The following GALNT13 variants were observed in gnomAD, a reference collection of about 807,000 sequenced individuals.
The protein encoded by GALNT13 is UDP-GalNAc:polypeptide N-acetylgalactosaminyltransferase 13.
GALNT13 carries 28 observed loss-of-function variants against 64.2 expected under a neutral mutation model. The ratio of observed to expected loss-of-function variants is 0.44; its 90% CI spans 0.32 to 0.60. The LOEUF (loss-of-function observed/expected upper bound fraction) is 0.60, where lower values mean the gene tolerates loss of function less well. Ranked by LOEUF, GALNT13 falls within the 20% of genes least tolerant of loss-of-function variation. The pLI is 0.05. For synonymous variants in GALNT13, 214 were observed against 224.6 expected, an observed-to-expected ratio of 0.95 and a Z score of 0.42; for missense variants, 577 against 669.8, an observed-to-expected ratio of 0.86 and a Z score of 1.53.
chr2:153,327,233 G>T, the GALNT13 span, among the ~76,000 whole-genome samples: 2 of 152,042 alleles, frequency 1.3e-5, no homozygotes, highest in Non-Finnish European at 2.9e-5. Flanking sequence ...TGCCCTTAAC[G>T]TTTTTGCCTT....
intron 3 of GALNT13, among the ~76,000 whole-genome samples, chr2:154,002,712 T>C (rs538650726): frequency 6.6e-6 from 1 of 152,314 alleles, no homozygotes; most frequent in Non-Finnish European, 1.5e-5. Flanking sequence ...TTCCCTTGTG[T>C]CTTCATATTC....
the GALNT13 span, among the ~76,000 whole-genome samples, chr2:153,161,367 C>G: frequency 2.0e-5 from 3 of 152,144 alleles, no homozygotes; most frequent in Admixed American, 6.5e-5. Context: ...GTGAAAGAAA[C>G]AGACAAAAAC....
At chr2:153,076,379 T>A in the GALNT13 span, among the ~76,000 whole-genome samples, 1 of 152,198 alleles carries the variant, frequency 6.6e-6, no homozygotes, top group African/African-American at 2.4e-5. Context: ...ATAAAAGTTT[T>A]AAATGTATTT....
At chr2:153,634,833 G>A in the GALNT13 span, among the ~76,000 whole-genome samples, 1 of 151,896 alleles carries the variant, frequency 6.6e-6, no homozygotes. Context: ...ACAGGCGTGA[G>A]CCACCATGCC....
chr2:153,836,115 G>C, the GALNT13 span, among the ~76,000 whole-genome samples: 3 of 152,012 alleles, frequency 2.0e-5, no homozygotes, highest in Non-Finnish European at 4.4e-5. Flanking sequence ...ATCTGGAAAA[G>C]ATGCAATCTC....
the GALNT13 span, among the ~76,000 whole-genome samples, chr2:153,422,935 A>C: frequency 0.23 from 35,374 of 151,810 alleles, 4,318 homozygotes; most frequent in Non-Finnish European, 0.25. Context: ...TAATTTCAAT[A>C]AACAAGGGTT....
At chr2:154,069,178 T>A (rs1044214028) in intron 3 of GALNT13, among the ~76,000 whole-genome samples, 1 of 152,032 alleles carries the variant, frequency 6.6e-6, no homozygotes, top group Non-Finnish European at 1.5e-5. Context: ...TAGACAAAAC[T>A]GAATGCATTT....
At chr2:153,084,434 C>G in the GALNT13 span, among the ~76,000 whole-genome samples, 1 of 152,066 alleles carries the variant, frequency 6.6e-6, no homozygotes, top group Admixed American at 6.6e-5. Context: ...TTATAGTTTT[C>G]CTTGTAGAAA....
chr2:153,884,766 A>AATATATATATATATATAT (rs372541314), intron 1 of GALNT13, among the ~76,000 whole-genome samples: 138 of 116,344 alleles, frequency 1.2e-3, no homozygotes, highest in African/African-American at 4.2e-3. Flanking sequence ...TAAAAATACG[A>AATATATATATATATATAT]ATATATATAT....
At chr2:153,248,152 A>G in the GALNT13 span, among the ~76,000 whole-genome samples, 1 of 152,184 alleles carries the variant, frequency 6.6e-6, no homozygotes. Context: ...AGCTGGTACC[A>G]TTCCTTCTGA....
intron 2 of GALNT13, among the ~76,000 whole-genome samples, chr2:153,919,248 A>G (rs1558853282): frequency 6.6e-6 from 1 of 151,786 alleles, no homozygotes; most frequent in Non-Finnish European, 1.5e-5. Context: ...ATCAACTTCC[A>G]TGTCTTCAAT....
chr2:153,190,297 A>G, the GALNT13 span, among the ~76,000 whole-genome samples: 1 of 152,068 alleles, frequency 6.6e-6, no homozygotes, highest in African/African-American at 2.4e-5. Context: ...ATTCTTCTGC[A>G]TATGGATATC....
chr2:154,180,348 T>C (rs767223658), intron 4 of GALNT13, among the ~76,000 whole-genome samples: 12 of 152,216 alleles, frequency 7.9e-5, no homozygotes, highest in Non-Finnish European at 1.3e-4. Flanking sequence ...ATAGCTAGTA[T>C]ATTAAACATT....
chr2:153,731,191 A>ATGT, the GALNT13 span, among the ~76,000 whole-genome samples: 17,522 of 151,724 alleles, frequency 0.12, 1,558 homozygotes, highest in African/African-American at 0.25. Flanking sequence ...TGTCATATAT[A>ATGT]TGTTGCCTTT....
At chr2:153,145,210 A>T in the GALNT13 span, among the ~76,000 whole-genome samples, 2 of 151,932 alleles carry the variant, frequency 1.3e-5, no homozygotes, top group Admixed American at 6.6e-5. Context: ...TCAGTTTCTT[A>T]CATAGCAATT....
At chr2:154,405,849 C>G (rs1417991974) in intron 10 of GALNT13, among the ~76,000 whole-genome samples, 2 of 152,006 alleles carry the variant, frequency 1.3e-5, no homozygotes, top group Non-Finnish European at 2.9e-5. Flanking sequence ...TAGGAAATCT[C>G]CCAAACTTAA....
At chr2:153,726,439 C>T in the GALNT13 span, among the ~76,000 whole-genome samples, 1 of 151,902 alleles carries the variant, frequency 6.6e-6, no homozygotes, top group Non-Finnish European at 1.5e-5. Context: ...TAAAATATGA[C>T]TTTGTGAGGC....
At chr2:154,062,670 C>T (rs1239899174) in intron 3 of GALNT13, among the ~76,000 whole-genome samples, 1 of 152,206 alleles carries the variant, frequency 6.6e-6, no homozygotes, top group Non-Finnish European at 1.5e-5. Flanking sequence ...GGAAAATCTG[C>T]TCCCATGATC....
the GALNT13 span, among the ~76,000 whole-genome samples, chr2:153,148,798 CAAAGAGA>C: frequency 6.6e-6 from 1 of 151,590 alleles, no homozygotes; most frequent in Non-Finnish European, 1.5e-5. Flanking sequence ...TTTCAAAACA[CAAAGAGA>C]AAAAGACATC....
Sources: allele counts gnomAD v4.1 joint callset (sites outside exome capture counted in the v4.1 genomes callset), GRCh38; gene constraint gnomAD v4.1.1; transcripts MANE v1.5; gene names NCBI Gene and HGNC (gene_info 2026-07-23, HGNC 2026-07-21).